GUCY2C: variants seen among roughly 807,000 people sequenced by gnomAD.
The protein encoded by GUCY2C is guanylyl cyclase C.
A neutral mutation model predicts 131.1 loss-of-function variants in GUCY2C; 118 were observed. The ratio of observed to expected loss-of-function variants is 0.90; its 90% CI spans 0.78 to 1.05. The LOEUF (loss-of-function observed/expected upper bound fraction) is 1.05. GUCY2C is among the 50% of genes least tolerant of loss of function. GUCY2C has a pLI of 0.00. For synonymous variants in GUCY2C, 452 were observed against 457.8 expected, an observed-to-expected ratio of 0.99 and a Z score of 0.16; for missense variants, 1,161 against 1,304.4, an observed-to-expected ratio of 0.89 and a Z score of 1.69.
At chr12:14,691,809 C>G (rs1265188067) in intron 1 of GUCY2C, among the ~76,000 whole-genome samples, 2 of 152,192 alleles carry the variant, frequency 1.3e-5, no homozygotes, top group Non-Finnish European at 2.9e-5. Flanking sequence ...CTACTGGGCC[C>G]CAGTTCCTCA....
intron 2 of GUCY2C, 125 bp downstream of exon 2, chr12:14,687,826 C>T: frequency 1.6e-6 from 1 of 639,720 alleles, no homozygotes; most frequent in Non-Finnish European, 2.9e-6. Flanking sequence ...GGTACTCGGC[C>T]ACTCATTCAG....
At chr12:14,683,665 C>T (rs1379072359) in intron 3 of GUCY2C, among the ~76,000 whole-genome samples, 2 of 152,150 alleles carry the variant, frequency 1.3e-5, no homozygotes, top group Non-Finnish European at 2.9e-5. Flanking sequence ...TTGTTCACCT[C>T]GGTATCTCCA....
chr12:14,623,005 A>T (rs1027252050), intron 21 of GUCY2C, among the ~76,000 whole-genome samples: 1 of 152,194 alleles, frequency 6.6e-6, no homozygotes, highest in African/African-American at 2.4e-5. Context: ...TGTCCTTGGC[A>T]TCACTTTGTA....
chr12:14,663,098 CA>C (rs1947903111), intron 10 of GUCY2C, among the ~76,000 whole-genome samples: 1 of 152,026 alleles, frequency 6.6e-6, no homozygotes, highest in African/African-American at 2.4e-5. Flanking sequence ...TGTATCAATA[CA>C]AAAAATTAAT....
Position 14,679,727 on chromosome 12 carries a change from A to G in GUCY2C, c.760T>C (p.Phe254Leu). Reference protein sequence around the residue: ...NVIIMCGGPEFLYKLKGDRAV... With the variant: ...NVIIMCGGPELLYKLKGDRAV... ...CGGTCACCCTTCAGCTTGTAGAGGA[A>G]CTCTGGACCACCACACATAATAATC... is the stretch of plus-strand genomic sequence containing the variant. The change falls in exon 6 of 27, where the codon TTC (phenylalanine) becomes CTC (leucine). Residue 254 changes from phenylalanine to leucine, a missense_variant. Coordinates refer to ENST00000261170, the MANE Select transcript of GUCY2C (RefSeq NM_004963.4). 1 of 1,585,834 alleles carries G rather than the reference A, an allele frequency of 6.3e-7. No individual in the cohort carries two copies. The highest frequency in any genetic ancestry group is 8.7e-7 in the Non-Finnish European group (1 of 1,154,326).
intron 19 of GUCY2C, among the ~76,000 whole-genome samples, chr12:14,635,184 C>T (rs560110958): frequency 6.6e-6 from 1 of 152,278 alleles, no homozygotes; most frequent in Non-Finnish European, 1.5e-5. Flanking sequence ...GCACATGGAA[C>T]ATTCTCCAGG....
chr12:14,628,741 G>T lies in GUCY2C; in HGVS notation c.2158-4C>A, dbSNP rs1565608582. ...AGTTTTTTACAAGTAGGTACACCTG[G>T]AAGAAAAAAAAACGGGCAAATTAGC... On this transcript the variant is annotated splice_polypyrimidine_tract_variant and splice_region_variant and intron_variant, in intron 19 of 26. Transcript: ENST00000261170. 9 of 1,451,132 alleles carry T rather than the reference G, an allele frequency of 6.2e-6. No individual in the cohort carries two copies. Among genetic ancestry groups the T allele is most frequent in the African/African-American group, 1.8e-5 (1 of 54,236 alleles). The allele number at this position is 1,451,132 out of a possible 1,614,324, so 89.9% of individuals were successfully genotyped here. A position where few individuals can be genotyped will look rare whatever the true frequency, so the allele number is the denominator to read the frequency against.
At chr12:14,617,524 T>G (rs1946792860) in intron 24 of GUCY2C, among the ~76,000 whole-genome samples, 1 of 152,182 alleles carries the variant, frequency 6.6e-6, no homozygotes, top group Non-Finnish European at 1.5e-5. Flanking sequence ...TAAAGCCTTG[T>G]GGGCAAGGTG....
At chr12:14,644,372 T>G (rs1439480812) in intron 16 of GUCY2C, among the ~76,000 whole-genome samples, 1 of 151,832 alleles carries the variant, frequency 6.6e-6, no homozygotes, top group East Asian at 1.9e-4. Context: ...TCTCAAAAAA[T>G]AAAAAAATAA....
intron 2 of GUCY2C, among the ~76,000 whole-genome samples, chr12:14,687,017 G>C (rs1361209780): frequency 6.6e-6 from 1 of 152,138 alleles, no homozygotes; most frequent in Admixed American, 6.5e-5. Context: ...ACATCTGCTT[G>C]TCTCTAGAGA....
chr12:14,614,206 T>C (rs1946709698), intron 26 of GUCY2C, among the ~76,000 whole-genome samples: 1 of 152,154 alleles, frequency 6.6e-6, no homozygotes, highest in Non-Finnish European at 1.5e-5. Context: ...AGCTTTGCCA[T>C]GCTTTATTGC....
chr12:14,613,623 A>G lies in GUCY2C; in HGVS notation c.3048-332T>C, dbSNP rs1489581360. ...GCTAGGCCCCTGCCACACAACCCTG[A>G]AAACTCATTGGTCCCACACATACTT... On this transcript the variant is annotated intron_variant, in intron 26 of 26. Coordinates refer to ENST00000261170, the MANE Select transcript of GUCY2C (RefSeq NM_004963.4). This position sits in a 1 kb window ranked among gnomAD's most constrained non-coding sequence, Gnocchi z 4.9. Among the ~76,000 whole-genome samples, 3 of 152,144 alleles carry G rather than the reference A, an allele frequency of 2.0e-5. No individual in the cohort carries two copies. The highest frequency in any genetic ancestry group is 2.9e-5 in the Non-Finnish European group (2 of 68,004).
chr12:14,662,004 AAAGG>A (rs1224383196), intron 10 of GUCY2C, among the ~76,000 whole-genome samples: 1 of 152,142 alleles, frequency 6.6e-6, no homozygotes, highest in Admixed American at 6.5e-5. Context: ...CTGAGTATAC[AAAGG>A]AATACTCCTA....
chr12:14,666,406 A>G (rs552791493), intron 10 of GUCY2C, among the ~76,000 whole-genome samples: 1 of 150,004 alleles, frequency 6.7e-6, no homozygotes, highest in East Asian at 1.9e-4. Flanking sequence ...GCTTTTTGCT[A>G]GAAAAGAAAT....
At chr12:14,686,306 C>T in intron 2 of GUCY2C, 81 bp from the exon 3 acceptor site, 2 of 1,012,076 alleles carry the variant, frequency 2.0e-6, no homozygotes, top group Non-Finnish European at 3.1e-6. Flanking sequence ...AAGGGGAAGG[C>T]TCCCAGAGGT....
chr12:14,618,904 T>G (rs79489664), intron 24 of GUCY2C, among the ~76,000 whole-genome samples: 2,051 of 152,220 alleles, frequency 0.013, 49 homozygotes, highest in African/African-American at 0.046. Flanking sequence ...TTAACTTTCA[T>G]GAATCTATGG....
chr12:14,665,069 G>A (rs181682741), intron 10 of GUCY2C, among the ~76,000 whole-genome samples: 11 of 152,090 alleles, frequency 7.2e-5, no homozygotes, highest in African/African-American at 2.7e-4. Flanking sequence ...AAAATTAGCC[G>A]GCCGCGGTGG....
intron 6 of GUCY2C, among the ~76,000 whole-genome samples, chr12:14,679,453 G>A (rs1948303829): frequency 6.6e-6 from 1 of 152,168 alleles, no homozygotes; most frequent in South Asian, 2.1e-4. Context: ...ATTTACAAAT[G>A]GTGAAGGTGT....
chr12:14,614,015 A>C (rs549247747), intron 26 of GUCY2C, among the ~76,000 whole-genome samples: 1 of 152,086 alleles, frequency 6.6e-6, no homozygotes, highest in Non-Finnish European at 1.5e-5. Flanking sequence ...CCAGAACCGC[A>C]GTCTTGGGGT....
Sources: allele counts gnomAD v4.1 joint callset (sites outside exome capture counted in the v4.1 genomes callset), GRCh38; gene constraint gnomAD v4.1.1; non-coding constraint Gnocchi (gnomAD v3.1); transcripts MANE v1.5; gene names NCBI Gene and HGNC (gene_info 2026-07-23, HGNC 2026-07-21).